AFG2A: variants seen among roughly 807,000 people sequenced by gnomAD.
AFG2A encodes ATPase family gene 2 protein homolog A.
the AFG2A span, among the ~76,000 whole-genome samples, chr4:123,059,582 T>C: frequency 1.3e-5 from 2 of 151,752 alleles, no homozygotes; most frequent in Non-Finnish European, 1.5e-5. Context: ...GTTCCAAGTC[T>C]TTGCTATTGT....
At chr4:123,033,413 G>A in the AFG2A span, among the ~76,000 whole-genome samples, 9 of 152,030 alleles carry the variant, frequency 5.9e-5, no homozygotes, top group South Asian at 1.9e-3. Context: ...AAGTTACCAG[G>A]GAAGATAGTT....
chr4:122,945,163 C>G, the AFG2A span, among the ~76,000 whole-genome samples: 12 of 152,226 alleles, frequency 7.9e-5, no homozygotes, highest in Admixed American at 3.9e-4. Flanking sequence ...CGGCTCTCTT[C>G]AAAGCTGTCA....
the AFG2A span, among the ~76,000 whole-genome samples, chr4:123,016,733 AGGCTGC>A: frequency 6.6e-6 from 1 of 152,086 alleles, no homozygotes; most frequent in Non-Finnish European, 1.5e-5. Flanking sequence ...GGCCGGGCAG[AGGCTGC>A]AATCTTGGCA....
At chr4:123,282,955 G>C in the AFG2A span, among the ~76,000 whole-genome samples, 1 of 151,878 alleles carries the variant, frequency 6.6e-6, no homozygotes, top group Admixed American at 6.6e-5. Flanking sequence ...CTTCTGTATC[G>C]GAACACTTAA....
chr4:122,929,189 G>C, the AFG2A span: 3 of 1,581,066 alleles, frequency 1.9e-6, no homozygotes, highest in Non-Finnish European at 2.6e-6. Context: ...AAATGGATGT[G>C]GCACTGAGGT....
At chr4:123,131,304 T>A in the AFG2A span, among the ~76,000 whole-genome samples, 2 of 152,186 alleles carry the variant, frequency 1.3e-5, no homozygotes, top group African/African-American at 4.8e-5. Context: ...TGGGGATTTT[T>A]AAAATTATTT....
At chr4:123,018,991 A>G in the AFG2A span, among the ~76,000 whole-genome samples, 8,198 of 152,200 alleles carry the variant, frequency 0.054, 528 homozygotes, top group African/African-American at 0.16. Flanking sequence ...CAGAACAAAA[A>G]AAAATGAAGA....
chr4:123,199,228 A>G, the AFG2A span, among the ~76,000 whole-genome samples: 3 of 152,202 alleles, frequency 2.0e-5, no homozygotes, highest in Non-Finnish European at 2.9e-5. Flanking sequence ...AGGCATAGAC[A>G]TAGAGCCTGG....
At chr4:123,208,759 A>G in the AFG2A span, among the ~76,000 whole-genome samples, 3 of 152,254 alleles carry the variant, frequency 2.0e-5, no homozygotes, top group Admixed American at 1.3e-4. Flanking sequence ...AACAACATTA[A>G]GAAATAGCCA....
the AFG2A span, among the ~76,000 whole-genome samples, chr4:122,937,869 C>G: frequency 1.3e-5 from 2 of 152,058 alleles, no homozygotes; most frequent in Non-Finnish European, 2.9e-5. Context: ...TTAAGAGACT[C>G]TTATCTTTTA....
chr4:123,110,826 A>G, the AFG2A span, among the ~76,000 whole-genome samples: 5 of 152,194 alleles, frequency 3.3e-5, no homozygotes, highest in African/African-American at 1.2e-4. Flanking sequence ...TGATTCAGGA[A>G]CTAGTAAGTA....
At chr4:123,093,796 GAAGAT>G in the AFG2A span, among the ~76,000 whole-genome samples, 3 of 152,184 alleles carry the variant, frequency 2.0e-5, no homozygotes, top group African/African-American at 7.2e-5. Flanking sequence ...TTCTGGGTCA[GAAGAT>G]AAGATGAGTT....
At chr4:123,001,293 G>GTC in the AFG2A span, among the ~76,000 whole-genome samples, 2 of 152,038 alleles carry the variant, frequency 1.3e-5, no homozygotes, top group African/African-American at 4.8e-5. Flanking sequence ...TTTTTTGTGT[G>GTC]TCTATTTCCT....
At chr4:123,206,582 T>C in the AFG2A span, among the ~76,000 whole-genome samples, 1 of 152,284 alleles carries the variant, frequency 6.6e-6, no homozygotes, top group East Asian at 1.9e-4. Flanking sequence ...CAGTAGCTAA[T>C]AGCTGTCCAG....
chr4:123,098,080 C>T, the AFG2A span, among the ~76,000 whole-genome samples: 1 of 152,046 alleles, frequency 6.6e-6, no homozygotes, highest in Non-Finnish European at 1.5e-5. Context: ...ACAGTACAGA[C>T]TTATGGCCTA....
At chr4:123,317,217 T>TC in the AFG2A span, 1 of 89,476 alleles carries the variant, frequency 1.1e-5, no homozygotes, top group East Asian at 3.0e-4. Context: ...AGAGTGAGAC[T>TC]CCGTCTCAAA....
chr4:123,002,807 A>G, the AFG2A span, among the ~76,000 whole-genome samples: 11 of 152,018 alleles, frequency 7.2e-5, no homozygotes, highest in Admixed American at 5.2e-4. Flanking sequence ...CTCGAGGAGT[A>G]TCTTTGTTTT....
At chr4:122,929,065 G>C in the AFG2A span, 8 of 1,613,756 alleles carry the variant, frequency 5.0e-6, no homozygotes, top group East Asian at 2.2e-5. Flanking sequence ...CCTATGGCAG[G>C]ATTTCCTGGA....
At chr4:123,066,785 C>T in the AFG2A span, among the ~76,000 whole-genome samples, 1 of 152,080 alleles carries the variant, frequency 6.6e-6, no homozygotes, top group Non-Finnish European at 1.5e-5. Flanking sequence ...AACATAATTT[C>T]ATATTGGTAA....
Sources: allele counts gnomAD v4.1 joint callset (sites outside exome capture counted in the v4.1 genomes callset), GRCh38; gene constraint gnomAD v4.1.1; transcripts MANE v1.5; gene names NCBI Gene and HGNC (gene_info 2026-07-23, HGNC 2026-07-21).